The following TDRD9 variants were observed in gnomAD, a reference collection of about 807,000 sequenced individuals.
TDRD9 encodes ATP-dependent RNA helicase TDRD9.
Under a neutral mutation model 172.6 loss-of-function variants are expected in TDRD9, and 124 were observed. The observed-to-expected ratio is 0.72, with a 90% CI of 0.62 to 0.83. The LOEUF (loss-of-function observed/expected upper bound fraction) is 0.83, where lower values mean the gene tolerates loss of function less well. TDRD9 is among the 40% of genes least tolerant of loss of function. TDRD9 has a pLI of 0.00. For missense variants in TDRD9, 1,479 were observed against 1,714.1 expected, an observed-to-expected ratio of 0.86 and a Z score of 2.42; for synonymous variants, 619 against 617.1, an observed-to-expected ratio of 1.00 and a Z score of -0.05.
chr14:104,025,442 C>G, intron 25 of TDRD9, 122 bp from the exon 26 acceptor site: 1 of 721,956 alleles, frequency 1.4e-6, no homozygotes, highest in Non-Finnish European at 2.3e-6. Flanking sequence ...ACTTATGTTC[C>G]GAGGATTAAC....
chr14:104,006,415 G>A lies in TDRD9; in HGVS notation c.1740G>A (p.Gln580=), dbSNP rs375533110. ...TTGGAGCACTTGCAGTGAGTGGGCA[G>A]AGAGAAGATGAAAACCCCCATGATG... ...KEVGALAVSG[Q]REDENPHDGE... is the part of the protein sequence containing the mutation. The change falls in exon 16 of 36, where the codon CAG becomes CAA. Residue 580 remains glutamine (Q), a synonymous_variant. Transcript: ENST00000409874. The A allele has an allele frequency of 2.2e-5, 36 of 1,613,808 alleles. No individual in the cohort carries two copies. Among genetic ancestry groups the A allele is most frequent in the Non-Finnish European group, 2.9e-5 (34 of 1,179,852 alleles).
rs143194784 is a variant in TDRD9 at position 103,977,634 on chromosome 14, T to C, written c.1011+2081T>C. On this transcript the variant is annotated intron_variant, in intron 7 of 35. Coordinates refer to ENST00000409874, the MANE Select transcript of TDRD9 (RefSeq NM_153046.3). ...ATTCACTCAGTTGATTTCTTTCTTT[T>C]TTTTTTTTTTTTTGCTATGCAGAAG... 4.0e-3 allele frequency among the ~76,000 whole-genome samples: 594 copies of C among 148,116 alleles called. 7 individuals are homozygous for C. The highest frequency in any genetic ancestry group is 0.012 in the African/African-American group (471 of 40,878).
chr14:103,970,569 T>C lies in TDRD9; in HGVS notation c.794T>C (p.Phe265Ser), dbSNP rs2032975838. Residue 265 changes from phenylalanine to serine, a missense_variant, in exon 6 of 36, where the codon TTC (phenylalanine) becomes TCC (serine). By Grantham distance (155) the Phe-to-Ser change is radical. Transcript: ENST00000409874. ...EVHERTEEMD[F>S]LLLVVRKLLR... is the part of the protein sequence containing the mutation. ...CACGAACGAACAGAAGAAATGGATT[T>C]CCTGCTATTGGTAGTCCGCAAACTC... 6.4e-7 allele frequency: 1 copy of C among 1,551,642 alleles called. No individual in the cohort carries two copies. The highest frequency in any genetic ancestry group is 1.4e-5 in the African/African-American group (1 of 73,056).
chr14:103,974,824 A>T (rs576557657), intron 6 of TDRD9, among the ~76,000 whole-genome samples: 2 of 151,948 alleles, frequency 1.3e-5, no homozygotes, highest in South Asian at 4.2e-4. Flanking sequence ...ATTTTTTGTA[A>T]TGATGGGGTC....
Position 104,022,176 on chromosome 14 carries a change from C to A in TDRD9, c.2452C>A (p.Arg818=). The part of the protein sequence containing the change: ...DGAKAFVEFS[R]NPTERFKTLP... ...GAACAGAGCCTTTGTGGAATTCTCA[C>A]GAAATCCAACAGAGAGATTTAAAAC... is the stretch of plus-strand genomic sequence containing the variant. The change falls in exon 24 of 36, where the codon CGA becomes AGA. Residue 818 remains arginine (R), a synonymous_variant. Transcript: ENST00000409874. The A allele has an allele frequency of 1.3e-6, 2 of 1,556,426 alleles. No homozygotes were observed. Among genetic ancestry groups the A allele is most frequent in the Middle Eastern group, 1.7e-4 (1 of 6,000 alleles).
chr14:104,006,419 G>A lies in TDRD9; in HGVS notation c.1744G>A (p.Glu582Lys), dbSNP rs79402943. 0.014 allele frequency: 22,223 copies of A among 1,613,782 alleles called. 375 individuals are homozygous for A. Among genetic ancestry groups the A allele is most frequent in the African/African-American group, 0.078 (5,847 of 75,002 alleles). The change falls in exon 16 of 36, where the codon GAA becomes AAA. Residue 582 changes from glutamate to lysine, a missense_variant. Physicochemically the swap from Glu to Lys is moderately conservative, Grantham distance 56 (BLOSUM62 1). Around this residue, in one of 3 missense-constraint regions of TDRD9, gnomAD observed 1,413 missense variants for 1,649.1 expected, o/e 0.86. Coordinates refer to ENST00000409874, the MANE Select transcript of TDRD9 (RefSeq NM_153046.3). ...AGCACTTGCAGTGAGTGGGCAGAGA[G>A]AAGATGAAAACCCCCATGATGGTGA... The part of the protein sequence containing the change: ...VGALAVSGQR[E>K]DENPHDGELT...
chr14:103,999,326 A>G (rs1244303898), intron 13 of TDRD9, among the ~76,000 whole-genome samples: 2 of 152,212 alleles, frequency 1.3e-5, no homozygotes, highest in South Asian at 2.1e-4. Context: ...TTGGTGAAGA[A>G]CTATGGACAC....
At position 103,999,676 on chromosome 14, in the gene TDRD9, TTCAAGAATAC is replaced by T. The variant is rs2034192139; in HGVS notation, c.1483+950_1483+959del. Reference sequence around the variant, plus strand: ...TTGGGAAGGGTAGATAAAAGACCATTTCAAGAATACTAAAATACTAAATACACCCCCCAAA... The same window carrying T: ...TTGGGAAGGGTAGATAAAAGACCATTTAAAATACTAAATACACCCCCCAAA... On this transcript the variant is annotated intron_variant, in intron 13 of 35. Transcript: ENST00000409874. 1.6e-5 allele frequency among the ~76,000 whole-genome samples: 2 copies of T among 124,286 alleles called. 1 individual carries two copies. The highest frequency in any genetic ancestry group is 3.5e-5 in the Non-Finnish European group (2 of 57,336). 81.5% of individuals were successfully genotyped at this position (124,286 alleles called of 152,430 possible).
chr14:104,025,259 G>A (rs1254396924), intron 25 of TDRD9, among the ~76,000 whole-genome samples: 4 of 152,192 alleles, frequency 2.6e-5, no homozygotes, highest in African/African-American at 9.7e-5. Flanking sequence ...TGGCATTACA[G>A]GCGTGAGCCA....
At chr14:103,956,740 C>T (rs1057170446) in intron 2 of TDRD9, among the ~76,000 whole-genome samples, 1 of 151,994 alleles carries the variant, frequency 6.6e-6, no homozygotes, top group African/African-American at 2.4e-5. Flanking sequence ...AGTAAAAGGT[C>T]CTTCTTAAAT....
chr14:103,963,137 T>C lies in TDRD9; in HGVS notation c.381T>C (p.Tyr127=), dbSNP rs1294471041. Residue 127 remains tyrosine, a synonymous_variant, in exon 3 of 36, where the codon TAT becomes TAC. Transcript: ENST00000409874. ...TGACATGCATCCCAGGGACAACTTA[T>C]AAATATCCTGATTTGCCTATAAGTC... The part of the protein sequence containing the change: ...SSVTCIPGTT[Y]KYPDLPISRY... 2.6e-6 allele frequency: 4 copies of C among 1,549,674 alleles called. No homozygotes were observed. Among genetic ancestry groups the C allele is most frequent in the Middle Eastern group, 1.7e-4 (1 of 5,988 alleles).
intron 34 of TDRD9, among the ~76,000 whole-genome samples, chr14:104,043,342 A>G (rs1024663824): frequency 6.6e-6 from 1 of 151,938 alleles, no homozygotes; most frequent in Non-Finnish European, 1.5e-5. Context: ...CCCGGGTTCA[A>G]GCGATTCTCC....
intron 2 of TDRD9, among the ~76,000 whole-genome samples, chr14:103,959,520 A>C (rs1447446056): frequency 3.4e-5 from 5 of 147,556 alleles, no homozygotes; most frequent in Non-Finnish European, 6.0e-5. Context: ...ACACAAAGCT[A>C]TTTCTATGTC....
Position 104,033,955 on chromosome 14 carries a change from T to G in TDRD9, c.3510-5T>G. On this transcript the variant is annotated splice_polypyrimidine_tract_variant and splice_region_variant and intron_variant, in intron 30 of 35. Transcript: ENST00000409874. ...ACCCCATCTCCTGGTGCTCCTGCCT[T>G]TTAGGTGTGTTTGGATTGAGAAGGA... 1 of 1,539,410 alleles carries G rather than the reference T, an allele frequency of 6.5e-7. No homozygotes were observed. Among genetic ancestry groups the G allele is most frequent in the Non-Finnish European group, 8.8e-7 (1 of 1,135,766 alleles).
chr14:103,969,626 C>T (rs1343948430), intron 5 of TDRD9, among the ~76,000 whole-genome samples: 1 of 152,170 alleles, frequency 6.6e-6, no homozygotes, highest in African/African-American at 2.4e-5. Context: ...TAAATCCTTA[C>T]ACCTCTTACA....
intron 7 of TDRD9, among the ~76,000 whole-genome samples, chr14:103,976,539 G>A (rs2033252725): frequency 6.6e-6 from 1 of 152,090 alleles, no homozygotes; most frequent in South Asian, 2.1e-4. Flanking sequence ...GGGATTACAG[G>A]CATGAGCCAC....
chr14:103,993,625 C>T (rs1595959116), intron 9 of TDRD9, among the ~76,000 whole-genome samples: 1 of 152,204 alleles, frequency 6.6e-6, no homozygotes, highest in Non-Finnish European at 1.5e-5. Context: ...CCCTAGTGCT[C>T]CTTGACCTGT....
intron 6 of TDRD9, among the ~76,000 whole-genome samples, chr14:103,972,229 G>A (rs1264680599): frequency 2.0e-5 from 3 of 151,638 alleles, no homozygotes; most frequent in African/African-American, 7.3e-5. Flanking sequence ...ATTGCTTGAA[G>A]CCGGGAAGCG....
intron 28 of TDRD9, among the ~76,000 whole-genome samples, chr14:104,030,191 A>G (rs1278926188): frequency 6.6e-6 from 1 of 152,206 alleles, no homozygotes; most frequent in Non-Finnish European, 1.5e-5. Flanking sequence ...AGAAGAAAAA[A>G]GAAAATTAAA....
Sources: allele counts gnomAD v4.1 joint callset (sites outside exome capture counted in the v4.1 genomes callset), GRCh38; gene constraint gnomAD v4.1.1; regional missense constraint gnomAD v4.1.1; transcripts MANE v1.5; gene names NCBI Gene and HGNC (gene_info 2026-07-23, HGNC 2026-07-21).